KYAT3: variants seen among roughly 807,000 people sequenced by gnomAD.
KYAT3 encodes kynurenine--oxoglutarate transaminase 3.
Under a neutral mutation model 59.0 loss-of-function variants are expected in KYAT3, and 50 were observed. The observed-to-expected ratio is 0.85, with a 90% CI of 0.68 to 1.07. The LOEUF (loss-of-function observed/expected upper bound fraction) is 1.07. Among genes scored for constraint, KYAT3 ranks in the 50% least tolerant of loss-of-function variants. KYAT3 has a pLI of 0.00. For missense variants in KYAT3, 497 were observed against 533.3 expected (o/e 0.93, Z 0.67); for synonymous variants, 148 against 177.0 (o/e 0.84, Z 1.30).
chr1:88,943,540 T>C (rs1388275162), intron 11 of KYAT3, 117 bp from the exon 12 acceptor site: 1 of 655,954 alleles, frequency 1.5e-6, no homozygotes, highest in African/African-American at 1.8e-5. Context: ...GGTTTAGAAT[T>C]TTCTCAGAAC....
intron 2 of KYAT3, among the ~76,000 whole-genome samples, chr1:88,985,906 C>T (rs1167118797): frequency 6.6e-6 from 1 of 152,122 alleles, no homozygotes; most frequent in South Asian, 2.1e-4. Flanking sequence ...TTGGGCTGGA[C>T]GCAGTGACTC....
chr1:88,955,201 C>A lies in KYAT3; in HGVS notation c.812G>T (p.Arg271Ile). Residue 271 changes from arginine to isoleucine, a missense_variant, in exon 9 of 14, where the codon AGA becomes ATA. Arg to Ile is a moderately conservative substitution (Grantham distance 97). Around this residue, in one of 2 missense-constraint regions of KYAT3, gnomAD observed 469 missense variants for 479.1 expected, o/e 0.98. Coordinates refer to ENST00000260508, the MANE Select transcript of KYAT3 (RefSeq NM_001008661.3). The stretch of plus-strand genomic sequence containing the variant: ...TCCAGCACTTCCTATTGTTATTGTT[C>A]TCTCCCACATACCTGGAAAAGTAGC... ...KIATFPGMWE[R>I]TITIGSAGKT... 1 of 1,612,016 alleles carries A rather than the reference C, an allele frequency of 6.2e-7. No homozygotes were observed. Among genetic ancestry groups the A allele is most frequent in the South Asian group, 1.1e-5 (1 of 91,012 alleles).
At chr1:88,957,738 T>A (rs1005148048) in intron 8 of KYAT3, among the ~76,000 whole-genome samples, 10 of 152,186 alleles carry the variant, frequency 6.6e-5, no homozygotes, top group Non-Finnish European at 1.5e-4. Flanking sequence ...TTAAAATGAG[T>A]AGATCTAAAC....
chr1:88,931,838 C>T (rs74908143), downstream of KYAT3, among the ~76,000 whole-genome samples: 15,450 of 144,714 alleles, frequency 0.11, 912 homozygotes, highest in Middle Eastern at 0.18. Context: ...TCTTTGGGTC[C>T]CCTCCCTTTG....
intron 2 of KYAT3, among the ~76,000 whole-genome samples, chr1:88,970,796 G>A (rs1676528339): frequency 6.6e-6 from 1 of 152,128 alleles, no homozygotes; most frequent in South Asian, 2.1e-4. Context: ...CATTTTTGCA[G>A]AGAATTTTCT....
the KYAT3 span, among the ~76,000 whole-genome samples, chr1:88,921,667 T>C: frequency 6.6e-6 from 1 of 152,162 alleles, no homozygotes; most frequent in Non-Finnish European, 1.5e-5. Context: ...CTAGGATGTG[T>C]AGATGTATAG....
chr1:88,955,329 T>C, intron 8 of KYAT3, 104 bp from the exon 9 acceptor site: 1 of 708,548 alleles, frequency 1.4e-6, no homozygotes, highest in Non-Finnish European at 2.3e-6. Flanking sequence ...AAAATAAGTG[T>C]GTTATAATTT....
At chr1:88,991,687 T>C (rs1352914575) in intron 1 of KYAT3, among the ~76,000 whole-genome samples, 1 of 150,122 alleles carries the variant, frequency 6.7e-6, no homozygotes, top group Non-Finnish European at 1.5e-5. Flanking sequence ...TGAAAAACTG[T>C]TCTATGAAAA....
intron 8 of KYAT3, among the ~76,000 whole-genome samples, chr1:88,960,695 C>T (rs1676105013): frequency 6.6e-6 from 1 of 152,104 alleles, no homozygotes; most frequent in Non-Finnish European, 1.5e-5. Flanking sequence ...TGGACTACCC[C>T]AGCAGACAGT....
At chr1:88,959,400 A>C (rs1676057025) in intron 8 of KYAT3, among the ~76,000 whole-genome samples, 1 of 151,846 alleles carries the variant, frequency 6.6e-6, no homozygotes, top group South Asian at 2.1e-4. Context: ...AACACGGTGA[A>C]ACCCCATCTC....
chr1:88,976,018 A>G (rs1325556697), intron 2 of KYAT3, among the ~76,000 whole-genome samples: 1 of 150,506 alleles, frequency 6.6e-6, no homozygotes, highest in African/African-American at 2.4e-5. Flanking sequence ...TGGGTGACAG[A>G]GCGAGACTCC....
rs2101007646 is a variant in KYAT3 at position 88,936,231 on chromosome 1, CAG to C, written c.1315_1316del (p.Leu439GlyfsTer4). On this transcript the variant is annotated frameshift_variant, in exon 14 of 14. Coordinates refer to ENST00000260508, the MANE Select transcript of KYAT3 (RefSeq NM_001008661.3). LOFTEE classifies it high-confidence loss of function. ...RFCFIKKDST[L>X]DAAEEIIKAW... Reference sequence around the variant, plus strand: ...CCTTGATGATTTCTTCAGCAGCATCCAGTGTGCTGTCTTTCTGTAAATTAATG... The same window carrying C: ...CCTTGATGATTTCTTCAGCAGCATCCTGTGCTGTCTTTCTGTAAATTAATG... The C allele has an allele frequency of 6.2e-7, 1 of 1,608,538 alleles. No individual in the cohort carries two copies. The highest frequency in any genetic ancestry group is 8.5e-7 in the Non-Finnish European group (1 of 1,175,764).
At position 88,943,159 on chromosome 1, in the gene KYAT3, A is replaced by C; in HGVS notation, c.1216-68T>G. ...CTTCAAATATTAATTTTGGTACTACAGATACTAGAGGCAACTAGATACTTT... is the reference window on the plus strand; with the variant it reads ...CTTCAAATATTAATTTTGGTACTACCGATACTAGAGGCAACTAGATACTTT... On this transcript the variant is annotated intron_variant, in intron 12 of 13. Transcript: ENST00000260508. 2 of 1,247,156 alleles carry C rather than the reference A, an allele frequency of 1.6e-6. 1 individual carries two copies. The highest frequency in any genetic ancestry group is 4.3e-4 in the Middle Eastern group (2 of 4,662). The allele number at this position is 1,247,156 out of a possible 1,614,324, so 77.3% of individuals were successfully genotyped here.
chr1:88,973,318 T>C (rs1676630740), intron 2 of KYAT3, among the ~76,000 whole-genome samples: 1 of 152,166 alleles, frequency 6.6e-6, no homozygotes, highest in South Asian at 2.1e-4. Flanking sequence ...TAGTTTGTAG[T>C]ACTTTGTTAA....
intron 10 of KYAT3, among the ~76,000 whole-genome samples, chr1:88,949,499 G>A (rs17130660): frequency 0.038 from 5,718 of 152,250 alleles, 307 homozygotes; most frequent in African/African-American, 0.12. Context: ...AACTGAGAAG[G>A]AGTCCTGAAA....
intron 10 of KYAT3, among the ~76,000 whole-genome samples, chr1:88,950,953 TTCC>T (rs1675642703): frequency 2.0e-5 from 3 of 152,190 alleles, no homozygotes; most frequent in Admixed American, 2.0e-4. Flanking sequence ...CTCTCAATCA[TTCC>T]ATTCCAGTCT....
downstream of KYAT3, among the ~76,000 whole-genome samples, chr1:88,934,258 C>T (rs1307943868): frequency 1.3e-5 from 2 of 152,060 alleles, no homozygotes; most frequent in Non-Finnish European, 2.9e-5. Context: ...AGTTTGAGAC[C>T]AGGCTGGCCA....
At chr1:88,929,638 C>G in the KYAT3 span, among the ~76,000 whole-genome samples, 1 of 152,212 alleles carries the variant, frequency 6.6e-6, no homozygotes, top group Non-Finnish European at 1.5e-5. Flanking sequence ...CCTTTTGCCA[C>G]TAAGCCACCC....
intron 2 of KYAT3, chr1:88,983,508 T>C: frequency 3.1e-6 from 5 of 1,613,668 alleles, no homozygotes; most frequent in Non-Finnish European, 4.2e-6. Context: ...CCAAAACCTC[T>C]TGGAGGACCT....
Sources: gnomAD v4.1 joint callset for allele counts (sites outside exome capture counted in the v4.1 genomes callset) on GRCh38, gnomAD v4.1.1 for gene constraint, gnomAD v4.1.1 regional missense constraint, MANE v1.5 for transcripts, NCBI Gene and HGNC (gene_info 2026-07-23, HGNC 2026-07-21) for gene names.